CPNE9: variants seen among roughly 807,000 people sequenced by gnomAD.
CPNE9 encodes the protein copine family member 9, also known as copine-9.
CPNE9 carries 59 observed loss-of-function variants against 83.0 expected under a neutral mutation model. The ratio of observed to expected loss-of-function variants is 0.71; its 90% confidence interval spans 0.58 to 0.88. The LOEUF (loss-of-function observed/expected upper bound fraction) is 0.88. Among genes scored for constraint, CPNE9 ranks in the 40% least tolerant of loss-of-function variants. The pLI is 0.00. For synonymous variants in CPNE9, 256 were observed against 273.4 expected (o/e 0.94, Z 0.63); for missense variants, 619 against 720.8 (o/e 0.86, Z 1.62).
chr3:9,729,898 T>G lies in CPNE9; in HGVS notation c.*206T>G. The stretch of plus-strand genomic sequence containing the variant: ...GCCTTCATGCCAATAATAAAGCTGA[T>G]CTTTATTCCACCTCTGTCTCATGCA... On this transcript the variant is annotated 3_prime_UTR_variant, in exon 21 of 21. Coordinates refer to ENST00000383832, the MANE Select transcript of CPNE9 (RefSeq NM_153635.3). 1.6e-6 allele frequency: 1 copy of G among 633,522 alleles called. No individual in the cohort carries two copies. Among genetic ancestry groups the G allele is most frequent in the Non-Finnish European group, 2.5e-6 (1 of 396,010 alleles). The allele number at this position is 633,522 out of a possible 1,614,324, so 39.2% of individuals were successfully genotyped here. A position where few individuals can be genotyped will look rare whatever the true frequency, so the allele number is the denominator to read the frequency against.
chr3:9,714,774 G>T, intron 10 of CPNE9, 140 bp from the exon 11 acceptor site: 1 of 677,222 alleles, frequency 1.5e-6, no homozygotes. Flanking sequence ...AGACAGGATG[G>T]GAGGCAGGTT....
rs543888513 is a variant in CPNE9 at position 9,718,150 on chromosome 3, A to T, written c.1053A>T (p.Pro351=). Residue 351 remains proline (P), a synonymous_variant, in exon 16 of 21, where the codon CCA becomes CCT. Transcript: ENST00000383832. ...ACTATGACAGTGATAAGCTCTTCCC[A>T]GCTTATGGCTTTGGGGCCAAGCTGC... ...IQDYDSDKLF[P]AYGFGAKLPP... 1.2e-6 allele frequency: 2 copies of T among 1,614,154 alleles called. No homozygotes were observed. The highest frequency in any genetic ancestry group is 3.3e-5 in the Admixed American group (2 of 60,024).
intron 17 of CPNE9, among the ~76,000 whole-genome samples, chr3:9,724,473 A>T (rs911100422): frequency 6.6e-6 from 1 of 152,020 alleles, no homozygotes; most frequent in Non-Finnish European, 1.5e-5. Flanking sequence ...AAACATCAAA[A>T]TCTTGCCAGG....
intron 20 of CPNE9, among the ~76,000 whole-genome samples, chr3:9,728,019 C>G (rs989316271): frequency 6.6e-6 from 1 of 152,172 alleles, no homozygotes; most frequent in Non-Finnish European, 1.5e-5. Context: ...AGTATTCTAG[C>G]TTAAGCAACT....
intron 20 of CPNE9, 35 bp from the exon 21 acceptor site, chr3:9,729,472 C>A (rs769730981): frequency 2.5e-6 from 4 of 1,581,562 alleles, no homozygotes; most frequent in South Asian, 1.1e-5. Flanking sequence ...CTCTCCTGGT[C>A]ATGGCTTATC....
chr3:9,712,621 T>G lies in CPNE9; in HGVS notation c.441+17T>G. On this transcript the variant is annotated intron_variant, in intron 8 of 20. Transcript: ENST00000383832. ...AATTGTCGGGTCAGTAAGGGCCACATGCTAGACCCAGGAGCTCCCTTCTCT... is the reference window on the plus strand; with the variant it reads ...AATTGTCGGGTCAGTAAGGGCCACAGGCTAGACCCAGGAGCTCCCTTCTCT... 1.9e-6 allele frequency: 3 copies of G among 1,613,264 alleles called. No individual in the cohort carries two copies. Among genetic ancestry groups the G allele is most frequent in the Non-Finnish European group, 2.5e-6 (3 of 1,179,200 alleles).
intron 7 of CPNE9, among the ~76,000 whole-genome samples, 199 bp from the exon 8 acceptor site, chr3:9,712,342 C>T (rs1446251597): frequency 6.6e-6 from 1 of 152,190 alleles, no homozygotes; most frequent in Non-Finnish European, 1.5e-5. Flanking sequence ...TTCACCTAAG[C>T]TGTTCTAACC....
intron 7 of CPNE9, among the ~76,000 whole-genome samples, chr3:9,709,661 C>T (rs145700987): frequency 3.3e-5 from 5 of 152,054 alleles, no homozygotes; most frequent in African/African-American, 9.6e-5. Context: ...AGCTGCCACG[C>T]CTAGCCAAGT....
intron 17 of CPNE9, 84 bp from the exon 18 acceptor site, chr3:9,725,865 C>T: frequency 1.9e-6 from 2 of 1,037,388 alleles, no homozygotes; most frequent in Non-Finnish European, 3.0e-6. Context: ...ACTGCCCACA[C>T]ACTGGCTGTG....
At position 9,712,541 on chromosome 3, in the gene CPNE9, G is replaced by A. The variant is rs747173401; in HGVS notation, c.378G>A (p.Thr126=). ...GQGSRVERTL[T]GVPGKKCGTI... is the part of the protein sequence containing the mutation. ...ACTAAGAGGCTTTTTCTGCTTCCAGGGGTGTACCAGGCAAGAAGTGTGGGA... is the reference window on the plus strand; with the variant it reads ...ACTAAGAGGCTTTTTCTGCTTCCAGAGGTGTACCAGGCAAGAAGTGTGGGA... Residue 126 remains threonine, a splice_region_variant and synonymous_variant, in exon 8 of 21, where the codon ACG becomes ACA. Transcript: ENST00000383832. 2 of 1,613,992 alleles carry A rather than the reference G, an allele frequency of 1.2e-6. No homozygotes were observed. Among genetic ancestry groups the A allele is most frequent in the Non-Finnish European group, 1.7e-6 (2 of 1,179,888 alleles).
chr3:9,713,181 T>G (rs899892127), intron 10 of CPNE9, 102 bp downstream of exon 10: 106 of 881,238 alleles, frequency 1.2e-4, no homozygotes, highest in Admixed American at 2.2e-5. Flanking sequence ...CGTTGGAGGG[T>G]CCTGCTCAGT....
In CPNE9 at chr3:9,713,013, C is replaced by T. The variant is rs1211494044; in HGVS notation, c.584C>T (p.Thr195Met). The change falls in exon 10 of 21, where the codon ACG becomes ATG. Residue 195 changes from threonine (T) to methionine (M), a missense_variant. Coordinates refer to ENST00000383832, the MANE Select transcript of CPNE9 (RefSeq NM_153635.3). ...ICHKTEVVKN[T>M]LNPVWQPFSI... ...CACAAGACAGAGGTTGTGAAAAACA[C>T]GCTGAATCCTGTGTGGCAGCCCTTC... is the stretch of plus-strand genomic sequence containing the variant. 3.1e-6 allele frequency: 5 copies of T among 1,614,208 alleles called. No individual in the cohort carries two copies. Among genetic ancestry groups the T allele is most frequent in the Non-Finnish European group, 3.4e-6 (4 of 1,180,022 alleles).
chr3:9,729,427 A>G, intron 20 of CPNE9, 80 bp from the exon 21 acceptor site: 1 of 1,487,554 alleles, frequency 6.7e-7, no homozygotes, highest in South Asian at 1.4e-5. Flanking sequence ...GCTGGGGATC[A>G]AAAAAGAAGC....
At chr3:9,708,325 GAGAA>G (rs1270833982) in intron 7 of CPNE9, among the ~76,000 whole-genome samples, 2 of 152,310 alleles carry the variant, frequency 1.3e-5, no homozygotes, top group Non-Finnish European at 2.9e-5. Context: ...GAGAAAAAGA[GAGAA>G]AGAGGGAGAC....
At chr3:9,705,423 C>A in intron 4 of CPNE9, 41 bp from the exon 5 acceptor site, 2 of 780,336 alleles carry the variant, frequency 2.6e-6, no homozygotes, top group Non-Finnish European at 4.3e-6. Flanking sequence ...ACCCTCTCCC[C>A]CACCCAGCCC....
rs770202015 is a variant in CPNE9 at position 9,718,596 on chromosome 3, T to C, written c.1235T>C (p.Val412Ala). Residue 412 changes from valine (V) to alanine (A), a missense_variant, in exon 17 of 21, where the codon GTG becomes GCG. Val to Ala is a moderately conservative substitution (Grantham distance 64). Around this residue, in one of 3 missense-constraint regions of CPNE9, gnomAD observed 438 missense variants for 562.9 expected, o/e 0.78. Transcript: ENST00000383832. ...TACTTTGCTCCTGTCATCAACCAAG[T>C]GGCCAGGTAAGGGAACTGGGTGGAA... ...PTYFAPVINQ[V>A]ARAAAKISDG... 1.2e-5 allele frequency: 20 copies of C among 1,612,054 alleles called. No individual in the cohort carries two copies. In the Admixed American group the frequency reaches 3.3e-4, roughly 27 times the overall value.
At chr3:9,716,695 C>T (rs2076686868) in intron 14 of CPNE9, among the ~76,000 whole-genome samples, 1 of 152,220 alleles carries the variant, frequency 6.6e-6, no homozygotes, top group African/African-American at 2.4e-5. Flanking sequence ...TGGTCTCAAA[C>T]TCCCGACCTC....
Position 9,704,547 on chromosome 3 carries a change from C to A in CPNE9, c.69-40C>A, listed in dbSNP as rs763675801. The A allele has an allele frequency of 6.3e-7, 1 of 1,581,476 alleles. No individual in the cohort carries two copies. The highest frequency in any genetic ancestry group is 8.7e-7 in the Non-Finnish European group (1 of 1,150,556). ...AGAGCCGACTCGAGGCGGGCGGACT[C>A]CAGGATGATCCACTCTGTCTGTCTG... On this transcript the variant is annotated intron_variant, in intron 1 of 20. Coordinates refer to ENST00000383832, the MANE Select transcript of CPNE9 (RefSeq NM_153635.3). The surrounding 1 kb of genome is among the most constrained non-coding windows in gnomAD (Gnocchi z 7.1).
At chr3:9,719,431 C>A (rs116672252) in intron 17 of CPNE9, among the ~76,000 whole-genome samples, 375 of 152,224 alleles carry the variant, frequency 2.5e-3, no homozygotes, top group African/African-American at 8.7e-3. Flanking sequence ...TGAAGGCGTA[C>A]GTTTTAGCAT....
Sources: gnomAD v4.1 joint callset for allele counts (sites outside exome capture counted in the v4.1 genomes callset) on GRCh38, gnomAD v4.1.1 for gene constraint, gnomAD v4.1.1 regional missense constraint, Gnocchi (gnomAD v3.1) non-coding constraint, MANE v1.5 for transcripts, NCBI Gene and HGNC (gene_info 2026-07-23, HGNC 2026-07-21) for gene names.